The following AGAP1 variants were observed in gnomAD, a reference collection of about 807,000 sequenced individuals.
The protein encoded by AGAP1 is arf-GAP with GTPase, ANK repeat and PH domain-containing protein 1.
AGAP1 carries 29 observed loss-of-function variants against 105.3 expected under a neutral mutation model. That is an observed-to-expected ratio of 0.28 (90% confidence interval 0.21 to 0.38). The LOEUF (loss-of-function observed/expected upper bound fraction) is 0.38. AGAP1 is among the 10% of genes least tolerant of loss of function. AGAP1 has a pLI of 1.00. For missense variants in AGAP1, 998 were observed against 1,165.1 expected (o/e 0.86, Z 2.09); for synonymous variants, 509 against 485.9 (o/e 1.05, Z -0.63).
At chr2:235,593,850 T>C (rs1945430553) in intron 1 of AGAP1, among the ~76,000 whole-genome samples, 1 of 152,034 alleles carries the variant, frequency 6.6e-6, no homozygotes, top group Non-Finnish European at 1.5e-5. Flanking sequence ...GCATCTGTAG[T>C]CCCAGCTGCT....
At chr2:235,847,483 T>A (rs1468213583) in intron 9 of AGAP1, among the ~76,000 whole-genome samples, 1 of 152,272 alleles carries the variant, frequency 6.6e-6, no homozygotes, top group Admixed American at 6.5e-5. Flanking sequence ...AGGTTGAAGT[T>A]CATTTTGTAT....
At position 235,973,851 on chromosome 2, in the gene AGAP1, C is replaced by T. The variant is rs888788537; in HGVS notation, c.1645+5228C>T. Among the ~76,000 whole-genome samples, 1 of 152,180 alleles carries T rather than the reference C, an allele frequency of 6.6e-6. No individual in the cohort carries two copies. Among genetic ancestry groups the T allele is most frequent in the African/African-American group, 2.4e-5 (1 of 41,432 alleles). ...GCTCTAGAAGGTGATTGCACCACGG[C>T]CCTGGATTCCCAACCAGGTCCAAGT... On this transcript the variant is annotated intron_variant, in intron 13 of 17. Transcript: ENST00000304032. This position sits in a 1 kb window ranked among gnomAD's most constrained non-coding sequence, Gnocchi z 4.7.
rs57515821 is a variant in AGAP1 at position 235,538,427 on chromosome 2, ATGTGTGTGTGTG to A, written c.163+43601_163+43612del. 3.3e-4 allele frequency among the ~76,000 whole-genome samples: 45 copies of A among 135,418 alleles called. 1 individual carries two copies. The South Asian group carries it at 7.7e-3, about 23-fold the overall frequency. 88.8% of individuals were successfully genotyped at this position (135,418 alleles called of 152,430 possible). On this transcript the variant is annotated intron_variant, in intron 1 of 17. Transcript: ENST00000304032. ...CTCTGGAGGAAGAACCTCAGCCACT[ATGTGTGTGTGTG>A]TGTGTGTGTGTGTGTGTGTGTGCAT...
At position 235,736,687 on chromosome 2, in the gene AGAP1, T is replaced by C. The variant is rs555309548; in HGVS notation, c.311-4276T>C. Among the ~76,000 whole-genome samples, 1 of 152,200 alleles carries C rather than the reference T, an allele frequency of 6.6e-6. No individual in the cohort carries two copies. Among genetic ancestry groups the C allele is most frequent in the South Asian group, 2.1e-4 (1 of 4,814 alleles). On this transcript the variant is annotated intron_variant, in intron 3 of 17. Transcript: ENST00000304032. The surrounding 1 kb of genome is among the most constrained non-coding windows in gnomAD (Gnocchi z 5.5). The stretch of plus-strand genomic sequence containing the variant: ...CTGGGCAACACAATGAGGCCCCATC[T>C]CATCTATCCAGGTGTGGCGGCACAT...
In AGAP1 at chr2:235,904,678, G is replaced by T. The variant is rs552513714; in HGVS notation, c.1156-4060G>T. Among the ~76,000 whole-genome samples, 18 of 152,318 alleles carry T rather than the reference G, an allele frequency of 1.2e-4. No homozygotes were observed. The highest frequency in any genetic ancestry group is 4.3e-4 in the African/African-American group (18 of 41,566). On this transcript the variant is annotated intron_variant, in intron 10 of 17. Coordinates refer to ENST00000304032, the MANE Select transcript of AGAP1 (RefSeq NM_001037131.3). This position sits in a 1 kb window ranked among gnomAD's most constrained non-coding sequence, Gnocchi z 4.2. ...CCTAACTCAGACCCGTGAAGGGTCT[G>T]CACAGCCCCTTGACTTCTACGGAGG...
Position 235,642,157 on chromosome 2 carries a change from C to T in AGAP1, c.164-67022C>T, listed in dbSNP as rs2149307506. Among the ~76,000 whole-genome samples the T allele has an allele frequency of 6.6e-6, 1 of 152,324 alleles. No individual in the cohort carries two copies. The highest frequency in any genetic ancestry group is 3.4e-3 in the Middle Eastern group (1 of 294). ...GGTGCCCATCCACGGAGTGCGGCGC[C>T]TGCTCGACTTGGCCTTCTGGCACTG... On this transcript the variant is annotated intron_variant, in intron 1 of 17. Transcript: ENST00000304032. This position sits in a 1 kb window ranked among gnomAD's most constrained non-coding sequence, Gnocchi z 4.1.
chr2:235,731,134 T>A (rs1351842208), intron 3 of AGAP1, among the ~76,000 whole-genome samples: 1 of 152,122 alleles, frequency 6.6e-6, no homozygotes, highest in Non-Finnish European at 1.5e-5. Flanking sequence ...GTTTGTTTGG[T>A]GGTGGTTGAG....
At chr2:235,782,157 A>G (rs1473761283) in intron 6 of AGAP1, among the ~76,000 whole-genome samples, 7 of 152,222 alleles carry the variant, frequency 4.6e-5, no homozygotes, top group Non-Finnish European at 1.0e-4. Context: ...GACGCAGGGC[A>G]CCAAGAGCAT....
chr2:236,102,460 T>C (rs1356687876), intron 16 of AGAP1, among the ~76,000 whole-genome samples: 1 of 141,250 alleles, frequency 7.1e-6, no homozygotes, highest in Non-Finnish European at 1.5e-5. Flanking sequence ...TGGTGGCTCA[T>C]GCCTGTAATC....
At chr2:235,546,046 C>A (rs945525997) in intron 1 of AGAP1, among the ~76,000 whole-genome samples, 2 of 152,246 alleles carry the variant, frequency 1.3e-5, no homozygotes, top group African/African-American at 4.8e-5. Context: ...TAGGTTTCAT[C>A]TGTGCCCAGC....
chr2:235,558,008 G>A (rs1050357539), intron 1 of AGAP1, among the ~76,000 whole-genome samples: 2 of 152,184 alleles, frequency 1.3e-5, no homozygotes, highest in African/African-American at 4.8e-5. Flanking sequence ...GTGGTCTTTA[G>A]AGGCAGATAC....
intron 1 of AGAP1, among the ~76,000 whole-genome samples, chr2:235,529,945 A>T (rs1338412549): frequency 6.6e-6 from 1 of 152,142 alleles, no homozygotes; most frequent in African/African-American, 2.4e-5. Context: ...TGAAAGGTTA[A>T]AATAAGGCTT....
At chr2:235,854,384 G>A (rs763270674) in intron 9 of AGAP1, among the ~76,000 whole-genome samples, 5 of 152,154 alleles carry the variant, frequency 3.3e-5, no homozygotes, top group Non-Finnish European at 7.3e-5. Flanking sequence ...TTTTCTCCCC[G>A]ATAGATGGGA....
chr2:235,528,290 C>T (rs956714190), intron 1 of AGAP1, among the ~76,000 whole-genome samples: 3 of 151,872 alleles, frequency 2.0e-5, no homozygotes, highest in Admixed American at 6.6e-5. Context: ...GCTGCTGGAG[C>T]GCACAAATTC....
chr2:236,120,149 T>C lies in AGAP1; in HGVS notation c.2115-43T>C, dbSNP rs758192324. 1.3e-6 allele frequency: 2 copies of C among 1,576,230 alleles called. No individual in the cohort carries two copies. The highest frequency in any genetic ancestry group is 4.5e-5 in the East Asian group (2 of 44,516). On this transcript the variant is annotated intron_variant, in intron 16 of 17. Coordinates refer to ENST00000304032, the MANE Select transcript of AGAP1 (RefSeq NM_001037131.3). This position sits in a 1 kb window ranked among gnomAD's most constrained non-coding sequence, Gnocchi z 6.0. ...GGGCAGGGGCTGGCAGCCTGTGTTC[T>C]CGGGCCTGATCGTGACTGCACCTGT...
rs1396086155 is a variant in AGAP1, at chr2:235,883,149, A to G, written c.1051-196A>G. ...TGTGTGTTTAGCAGTTAATTATCCA[A>G]AAGATCTAGTGTAGCACGTCTCAAT... On this transcript the variant is annotated intron_variant, in intron 9 of 17. Transcript: ENST00000304032. The surrounding 1 kb of genome is among the most constrained non-coding windows in gnomAD (Gnocchi z 4.5). Among the ~76,000 whole-genome samples, 1 of 152,012 alleles carries G rather than the reference A, an allele frequency of 6.6e-6. No individual in the cohort carries two copies. Among genetic ancestry groups the G allele is most frequent in the Non-Finnish European group, 1.5e-5 (1 of 68,036 alleles).
At chr2:235,898,523 G>C (rs2050917476) in intron 10 of AGAP1, among the ~76,000 whole-genome samples, 1 of 125,644 alleles carries the variant, frequency 8.0e-6, no homozygotes, top group Admixed American at 1.2e-4. Flanking sequence ...AAATGGCTTT[G>C]CAGGTCAACC....
chr2:235,581,759 C>T (rs542971425), intron 1 of AGAP1, among the ~76,000 whole-genome samples: 19 of 152,114 alleles, frequency 1.2e-4, no homozygotes, highest in Non-Finnish European at 1.9e-4. Context: ...GAGCCGAGAT[C>T]GTGCTACTGC....
chr2:236,024,506 C>A (rs2056990714), intron 13 of AGAP1, among the ~76,000 whole-genome samples: 1 of 152,196 alleles, frequency 6.6e-6, no homozygotes, highest in East Asian at 1.9e-4. Flanking sequence ...ACTTCTCCCC[C>A]ATGCATCCTT....
Sources: gnomAD v4.1 joint callset for allele counts (sites outside exome capture counted in the v4.1 genomes callset) on GRCh38, gnomAD v4.1.1 for gene constraint, Gnocchi (gnomAD v3.1) non-coding constraint, MANE v1.5 for transcripts, NCBI Gene and HGNC (gene_info 2026-07-23, HGNC 2026-07-21) for gene names.